The following CYTH3 variants were observed in gnomAD, a reference collection of about 807,000 sequenced individuals.
The protein encoded by CYTH3 is cytohesin 3, also known as cytohesin-3.
CYTH3 carries 23 observed loss-of-function variants against 55.1 expected under a neutral mutation model. That is an observed-to-expected ratio of 0.42 (90% confidence interval 0.30 to 0.59). CYTH3 has a LOEUF of 0.59. Among genes scored for constraint, CYTH3 ranks in the 20% least tolerant of loss-of-function variants. CYTH3 has a pLI of 0.20. For missense variants in CYTH3, 413 were observed against 524.8 expected (o/e 0.79, Z 2.08); for synonymous variants, 249 against 194.9 (o/e 1.28, Z -2.31).
chr7:6,223,536 C>CAA, intron 1 of CYTH3, among the ~76,000 whole-genome samples: 1 of 152,262 alleles, frequency 6.6e-6, no homozygotes, highest in African/African-American at 2.4e-5. Flanking sequence ...ACCTTACCCC[C>CAA]AACCCCGTGC....
intron 5 of CYTH3, among the ~76,000 whole-genome samples, chr7:6,176,871 C>A (rs557749395): frequency 3.3e-5 from 5 of 152,312 alleles, no homozygotes; most frequent in Admixed American, 1.3e-4. Flanking sequence ...TACCCTCCAT[C>A]ATGTTGAAGA....
intron 1 of CYTH3, among the ~76,000 whole-genome samples, chr7:6,268,290 C>A (rs1056189505): frequency 2.0e-5 from 3 of 152,198 alleles, no homozygotes; most frequent in Non-Finnish European, 4.4e-5. Context: ...GCCTCAGCCT[C>A]CCGCGTAGCT....
At chr7:6,166,431 G>A (rs537888048) in intron 9 of CYTH3, among the ~76,000 whole-genome samples, 26 of 152,056 alleles carry the variant, frequency 1.7e-4, no homozygotes, top group African/African-American at 4.6e-4. Context: ...AGAAATACAC[G>A]CTGGTGACAA....
At chr7:6,182,016 T>A (rs1387450333) in intron 4 of CYTH3, among the ~76,000 whole-genome samples, 1 of 152,138 alleles carries the variant, frequency 6.6e-6, no homozygotes, top group Admixed American at 6.5e-5. Context: ...AAAAGTTTCC[T>A]CCTATTGTTT....
At position 6,180,594 on chromosome 7, in the gene CYTH3, A is replaced by C. The variant is rs1783481601; in HGVS notation, c.250-2653T>G. Among the ~76,000 whole-genome samples the C allele has an allele frequency of 2.0e-5, 3 of 152,240 alleles. No individual in the cohort carries two copies. The South Asian group carries it at 6.2e-4, about 31-fold the overall frequency. On this transcript the variant is annotated intron_variant, in intron 4 of 12. Coordinates refer to ENST00000350796, the MANE Select transcript of CYTH3 (RefSeq NM_004227.4). ...CTCGGACTTCTGGCCTCCTGAACTG[A>C]GCGAGAATAGATTTCTCTTGTTTTA...
chr7:6,181,156 C>CA (rs1204779369), intron 4 of CYTH3, among the ~76,000 whole-genome samples: 1 of 151,972 alleles, frequency 6.6e-6, no homozygotes, highest in African/African-American at 2.4e-5. Flanking sequence ...CCTTCCTTTC[C>CA]CCCTTGCTAC....
intron 1 of CYTH3, among the ~76,000 whole-genome samples, chr7:6,207,804 C>T (rs1372981984): frequency 6.6e-6 from 1 of 151,860 alleles, no homozygotes; most frequent in Non-Finnish European, 1.5e-5. Flanking sequence ...ACAAAAATTA[C>T]CTGGGTGCAG....
At chr7:6,207,535 G>T (rs1056362270) in intron 1 of CYTH3, among the ~76,000 whole-genome samples, 2 of 152,066 alleles carry the variant, frequency 1.3e-5, no homozygotes, top group Non-Finnish European at 2.9e-5. Flanking sequence ...GAAGCCAAGG[G>T]GGTTGGATCA....
At chr7:6,250,015 G>GC (rs1424431983) in intron 1 of CYTH3, among the ~76,000 whole-genome samples, 2 of 152,150 alleles carry the variant, frequency 1.3e-5, no homozygotes, top group African/African-American at 4.8e-5. Flanking sequence ...CTCCCCACTT[G>GC]CCCCCCATCC....
chr7:6,202,799 G>C (rs1425921887), intron 1 of CYTH3, among the ~76,000 whole-genome samples: 1 of 152,062 alleles, frequency 6.6e-6, no homozygotes, highest in African/African-American at 2.4e-5. Flanking sequence ...GAAGAAGTTT[G>C]TTATGCAGTA....
At chr7:6,238,773 G>C (rs568722809) in intron 1 of CYTH3, among the ~76,000 whole-genome samples, 1 of 152,286 alleles carries the variant, frequency 6.6e-6, no homozygotes, top group Non-Finnish European at 1.5e-5. Flanking sequence ...AGCCGGGGAA[G>C]GCTGTGTGCA....
At chr7:6,202,620 C>A (rs909625358) in intron 1 of CYTH3, among the ~76,000 whole-genome samples, 6 of 152,092 alleles carry the variant, frequency 3.9e-5, no homozygotes, top group Non-Finnish European at 7.4e-5. Context: ...TGCGCCGCCA[C>A]GCCCAACTAA....
chr7:6,219,866 G>GAA (rs1187965051), intron 1 of CYTH3, among the ~76,000 whole-genome samples: 1 of 151,728 alleles, frequency 6.6e-6, no homozygotes, highest in Non-Finnish European at 1.5e-5. Context: ...GAACAATTTT[G>GAA]AAAAAAAGAC....
intron 1 of CYTH3, among the ~76,000 whole-genome samples, chr7:6,252,946 C>A (rs1780011367): frequency 6.6e-6 from 1 of 152,154 alleles, no homozygotes; most frequent in Non-Finnish European, 1.5e-5. Context: ...GATGCTTGTT[C>A]CAAATTTACC....
Position 6,169,089 on chromosome 7 carries a change from G to A in CYTH3, c.823+1446C>T, listed in dbSNP as rs939182179. On this transcript the variant is annotated intron_variant, in intron 9 of 12. Transcript: ENST00000350796. This position sits in a 1 kb window ranked among gnomAD's most constrained non-coding sequence, Gnocchi z 4.1. ...AATATCTACAACTCCCCTAAACCTC[G>A]GTACAGCCAGAAAAAAGTCAAAGAG... Among the ~76,000 whole-genome samples the A allele has an allele frequency of 2.0e-5, 3 of 152,180 alleles. No homozygotes were observed. The highest frequency in any genetic ancestry group is 7.2e-5 in the African/African-American group (3 of 41,448).
At chr7:6,240,292 CAAA>C (rs60884841) in intron 1 of CYTH3, among the ~76,000 whole-genome samples, 25 of 60,546 alleles carry the variant, frequency 4.1e-4, no homozygotes, top group South Asian at 2.6e-3. Flanking sequence ...GACTCCATCT[CAAA>C]AAAAAAAAAA....
intron 4 of CYTH3, among the ~76,000 whole-genome samples, chr7:6,180,364 G>A (rs1216433329): frequency 6.6e-6 from 1 of 152,212 alleles, no homozygotes; most frequent in Admixed American, 6.5e-5. Context: ...ACAAGCAGAG[G>A]AGGAGGACAC....
intron 1 of CYTH3, among the ~76,000 whole-genome samples, chr7:6,198,505 T>A (rs1000783215): frequency 6.6e-6 from 1 of 152,206 alleles, no homozygotes; most frequent in Non-Finnish European, 1.5e-5. Context: ...AGAGAAGGTG[T>A]CCTTAATTAT....
intron 1 of CYTH3, among the ~76,000 whole-genome samples, chr7:6,197,476 A>G (rs1198439160): frequency 6.6e-6 from 1 of 152,232 alleles, no homozygotes; most frequent in African/African-American, 2.4e-5. Context: ...TAAGGTCAGC[A>G]GCTCCAGACC....
Sources: gnomAD v4.1 joint callset for allele counts (sites outside exome capture counted in the v4.1 genomes callset) on GRCh38, gnomAD v4.1.1 for gene constraint, Gnocchi (gnomAD v3.1) non-coding constraint, MANE v1.5 for transcripts, NCBI Gene and HGNC (gene_info 2026-07-23, HGNC 2026-07-21) for gene names.